The following GNAI1 variants were observed in gnomAD, a reference collection of about 807,000 sequenced individuals.
GNAI1 encodes the protein G protein subunit alpha i1.
Under a neutral mutation model 38.9 loss-of-function variants are expected in GNAI1, and 11 were observed. The observed-to-expected ratio is 0.28, with a 90% confidence interval of 0.18 to 0.47. GNAI1 has a LOEUF of 0.47. GNAI1 is among the 20% of genes least tolerant of loss of function. The pLI, the probability that GNAI1 is intolerant of heterozygous loss-of-function variation, is 0.99. For missense variants in GNAI1, 317 were observed against 436.9 expected (o/e 0.73, Z 2.45); for synonymous variants, 166 against 145.1 (o/e 1.14, Z -1.04).
chr7:80,221,419 C>T lies in GNAI1; in HGVS notation c.*3926C>T, dbSNP rs1307642252. 6.6e-6 allele frequency among the ~76,000 whole-genome samples: 1 copy of T among 152,018 alleles called. No homozygotes were observed. Among genetic ancestry groups the T allele is most frequent in the African/African-American group, 2.4e-5 (1 of 41,402 alleles). ...TTTAAGGTGCCTTTAAAATCATAAT[C>T]AGTGCTTAACAAATGGTTGTTGATA... On this transcript the variant is annotated 3_prime_UTR_variant, in exon 8 of 8. Transcript: ENST00000649796.
intron 6 of GNAI1, 58 bp from the exon 7 acceptor site, chr7:80,212,647 TATTTTTTAAAA>T: frequency 2.1e-6 from 2 of 935,014 alleles, no homozygotes; most frequent in Non-Finnish European, 3.1e-6. Flanking sequence ...CAACACCTTT[TATTTTTTAAAA>T]TAGTCCTCAA....
intron 7 of GNAI1, among the ~76,000 whole-genome samples, chr7:80,216,051 A>G (rs1044004263): frequency 1.3e-5 from 2 of 152,180 alleles, no homozygotes; most frequent in Non-Finnish European, 2.9e-5. Flanking sequence ...TTATTACTAC[A>G]AAAGAGGGGT....
intron 4 of GNAI1, among the ~76,000 whole-genome samples, chr7:80,200,477 C>A (rs982625154): frequency 1.1e-4 from 16 of 151,822 alleles, no homozygotes; most frequent in African/African-American, 3.4e-4. Flanking sequence ...CTATGTTGTG[C>A]ATTTGTTTTA....
intron 4 of GNAI1, among the ~76,000 whole-genome samples, chr7:80,202,165 C>T (rs1323503102): frequency 6.6e-6 from 1 of 152,102 alleles, no homozygotes; most frequent in Non-Finnish European, 1.5e-5. Context: ...TCTTGGCTCA[C>T]TGCAACCTGG....
chr7:80,148,532 A>T (rs375363182), intron 1 of GNAI1, among the ~76,000 whole-genome samples: 1 of 17,218 alleles, frequency 5.8e-5, no homozygotes, highest in Non-Finnish European at 1.8e-4. Flanking sequence ...TTTTAAAATT[A>T]AAAAAAAAAC....
rs1412198683 is a variant in GNAI1, at chr7:80,219,632, C to T, written c.*2139C>T. On this transcript the variant is annotated 3_prime_UTR_variant, in exon 8 of 8. Coordinates refer to ENST00000649796, the MANE Select transcript of GNAI1 (RefSeq NM_002069.6). The stretch of plus-strand genomic sequence containing the variant: ...AACTCATTATATTCAAAACTAAATT[C>T]ATCATCATTCTCTCCTTACACCAGT... Among the ~76,000 whole-genome samples the T allele has an allele frequency of 1.3e-5, 2 of 152,168 alleles. No homozygotes were observed. Among genetic ancestry groups the T allele is most frequent in the Non-Finnish European group, 2.9e-5 (2 of 68,014 alleles).
In GNAI1 at chr7:80,212,236, G is replaced by A. The variant is rs536381228; in HGVS notation, c.721-480G>A. On this transcript the variant is annotated intron_variant, in intron 6 of 7. Coordinates refer to ENST00000649796, the MANE Select transcript of GNAI1 (RefSeq NM_002069.6). ...TCTTTGATGAGCACAGATCCTGGAA[G>A]GTCAAGAAACAGGAATTGGAAGTGT... 1.7e-4 allele frequency among the ~76,000 whole-genome samples: 26 copies of A among 152,178 alleles called. No individual in the cohort carries two copies. The South Asian group carries it at 5.2e-3, about 30-fold the overall frequency.
At chr7:80,177,635 C>G (rs1411545354) in intron 1 of GNAI1, among the ~76,000 whole-genome samples, 1 of 152,076 alleles carries the variant, frequency 6.6e-6, no homozygotes, top group Non-Finnish European at 1.5e-5. Context: ...AATGCCTGGC[C>G]AGTGTTTTTT....
At chr7:80,201,935 C>T (rs1788691844) in intron 4 of GNAI1, among the ~76,000 whole-genome samples, 2 of 152,154 alleles carry the variant, frequency 1.3e-5, no homozygotes, top group Non-Finnish European at 1.5e-5. Flanking sequence ...TCAAGTTGCC[C>T]ATTAGGACTG....
chr7:80,175,553 CTTTTTTT>C (rs564032256), intron 1 of GNAI1, among the ~76,000 whole-genome samples: 1 of 132,168 alleles, frequency 7.6e-6, no homozygotes, highest in Admixed American at 7.7e-5. Flanking sequence ...CAGATACTGC[CTTTTTTT>C]TTTTTTTTTT....
intron 7 of GNAI1, 72 bp from the exon 8 acceptor site, chr7:80,217,225 TGTATGA>T (rs1306873413): frequency 2.3e-5 from 21 of 905,056 alleles, no homozygotes; most frequent in Non-Finnish European, 1.2e-5. Context: ...CAGTTTCATA[TGTATGA>T]AACTGAATTC....
intron 1 of GNAI1, among the ~76,000 whole-genome samples, chr7:80,175,281 G>A (rs932123189): frequency 5.9e-5 from 9 of 152,100 alleles, no homozygotes; most frequent in Non-Finnish European, 7.4e-5. Flanking sequence ...GCATCTCGGC[G>A]TCTTCACAAG....
chr7:80,135,994 G>T, intron 1 of GNAI1: 7 of 985,374 alleles, frequency 7.1e-6, no homozygotes, highest in Non-Finnish European at 7.2e-6. Context: ...GAAAACTGCT[G>T]TGAAAGAGCG....
At chr7:80,178,160 A>T (rs1788223673) in intron 1 of GNAI1, among the ~76,000 whole-genome samples, 1 of 152,228 alleles carries the variant, frequency 6.6e-6, no homozygotes, top group East Asian at 1.9e-4. Flanking sequence ...TGAAGATGTG[A>T]ATGCAATATC....
chr7:80,186,023 CTTTTTTTTTTTTTTT>C (rs533371119), intron 1 of GNAI1, among the ~76,000 whole-genome samples: 1 of 103,514 alleles, frequency 9.7e-6, no homozygotes, highest in Non-Finnish European at 1.9e-5. Context: ...CATCCGCACT[CTTTTTTTTTTTTTTT>C]TTTTTTTTTT....
chr7:80,170,212 C>G (rs1252188163), intron 1 of GNAI1, among the ~76,000 whole-genome samples: 2 of 152,096 alleles, frequency 1.3e-5, no homozygotes, highest in Admixed American at 1.3e-4. Context: ...TGAATAAATG[C>G]CAGAGTGTTT....
At chr7:80,150,576 T>C (rs1026120199) in intron 1 of GNAI1, among the ~76,000 whole-genome samples, 2 of 152,180 alleles carry the variant, frequency 1.3e-5, no homozygotes, top group Admixed American at 6.5e-5. Flanking sequence ...TTCAGAGTGC[T>C]GGTTACTTCT....
Position 80,159,582 on chromosome 7 carries a change from C to T in GNAI1, c.118+24304C>T, listed in dbSNP as rs150750924. Among the ~76,000 whole-genome samples the T allele has an allele frequency of 1.5e-3, 225 of 152,286 alleles. 3 individuals carry two copies. The East Asian group carries it at 0.016, about 11-fold the overall frequency. On this transcript the variant is annotated intron_variant, in intron 1 of 7. Transcript: ENST00000649796. ...TACATGATTGAATCAGGGTAATTAG[C>T]ATATCCATGACTTTAAACATTTATT...
intron 1 of GNAI1, among the ~76,000 whole-genome samples, chr7:80,149,358 T>G (rs1050249960): frequency 6.6e-6 from 1 of 152,154 alleles, no homozygotes; most frequent in African/African-American, 2.4e-5. Context: ...CCTAATTATT[T>G]GCTTAAATTA....
Sources: allele counts gnomAD v4.1 joint callset (sites outside exome capture counted in the v4.1 genomes callset), GRCh38; gene constraint gnomAD v4.1.1; transcripts MANE v1.5; gene names NCBI Gene and HGNC (gene_info 2026-07-23, HGNC 2026-07-21).